Variants in UBR1 observed in about 807,000 individuals in gnomAD.
UBR1 encodes E3 ubiquitin-protein ligase UBR1.
Under a neutral mutation model 242.1 loss-of-function variants are expected in UBR1, and 102 were observed. That is an observed-to-expected ratio of 0.42 (90% CI 0.36 to 0.50). UBR1 has a LOEUF of 0.50. Ranked by LOEUF, UBR1 falls within the 20% of genes least tolerant of loss-of-function variation. UBR1 has a pLI of 0.01. For missense variants in UBR1, 1,772 were observed against 2,101.8 expected (o/e 0.84, Z 3.07); for synonymous variants, 675 against 684.8 (o/e 0.99, Z 0.22).
intron 40 of UBR1, among the ~76,000 whole-genome samples, chr15:42,966,677 CAA>C (rs201069916): frequency 3.0e-4 from 29 of 95,104 alleles, no homozygotes; most frequent in Non-Finnish European, 2.4e-4. Flanking sequence ...GACGCTGACT[CAA>C]AAAAAAAAAA....
Position 42,970,553 on chromosome 15 carries a change from GA to G in UBR1, c.4423del (p.Ser1475LeufsTer27), listed in dbSNP as rs1163528520. 1 of 1,613,774 alleles carries G rather than the reference GA, an allele frequency of 6.2e-7. No homozygotes were observed. Among genetic ancestry groups the G allele is most frequent in the African/African-American group, 1.3e-5 (1 of 75,058 alleles). On this transcript the variant is annotated frameshift_variant, in exon 40 of 47. Transcript: ENST00000290650. LOFTEE classifies it high-confidence loss of function. ...EDSEEAHSAS[S>X]FFAEISQYTS... is the part of the protein sequence containing the mutation. ...ATATTGAGAAATTTCTGCAAAGAAA[GA>G]AGATGCGGAATGAGCCTCTTCACTG... is the stretch of plus-strand genomic sequence containing the variant.
intron 19 of UBR1, among the ~76,000 whole-genome samples, chr15:43,033,361 C>T (rs1466148989): frequency 1.3e-5 from 2 of 151,160 alleles, no homozygotes; most frequent in Non-Finnish European, 3.0e-5. Flanking sequence ...AAATACAAAA[C>T]TTAGCCAGGC....
chr15:43,030,504 T>C (rs2033241116), intron 20 of UBR1, among the ~76,000 whole-genome samples: 1 of 152,202 alleles, frequency 6.6e-6, no homozygotes. Flanking sequence ...CTACTTGTTA[T>C]TTAACAAAGA....
chr15:43,035,300 T>A (rs1327258341), intron 19 of UBR1, among the ~76,000 whole-genome samples: 1 of 152,248 alleles, frequency 6.6e-6, no homozygotes, highest in East Asian at 1.9e-4. Flanking sequence ...TTTGTTAATC[T>A]ACATATTCTA....
chr15:42,958,478 G>A (rs2031959524), intron 43 of UBR1, among the ~76,000 whole-genome samples: 2 of 152,130 alleles, frequency 1.3e-5, no homozygotes, highest in Non-Finnish European at 1.5e-5. Flanking sequence ...GTAAACTAGG[G>A]ATAAAATATA....
chr15:43,004,516 T>A lies in UBR1; in HGVS notation c.3416-586A>T, dbSNP rs1371289441. Among the ~76,000 whole-genome samples the A allele has an allele frequency of 7.9e-5, 12 of 152,330 alleles. No homozygotes were observed. In the East Asian group the frequency reaches 2.3e-3, roughly 29 times the overall value. On this transcript the variant is annotated intron_variant, in intron 30 of 46. Transcript: ENST00000290650. ...GCCTCAGCCTGCAGAGTGCCTGGGA[T>A]TGCAGGCACACGCCGCCACGCCTGA...
In UBR1 at chr15:42,960,711, G is replaced by A. The variant is rs778586391; in HGVS notation, c.4701-10C>T. ...AGGATCTGCACACCACCTGTATGTG[G>A]AGCCAAGAGAAAAGACAAATGGATT... On this transcript the variant is annotated splice_polypyrimidine_tract_variant and intron_variant, in intron 42 of 46. Transcript: ENST00000290650. 3.7e-6 allele frequency: 6 copies of A among 1,613,436 alleles called. No individual in the cohort carries two copies. In the South Asian group the frequency reaches 6.6e-5, roughly 18 times the overall value.
At chr15:42,986,033 T>C (rs1886173958) in intron 35 of UBR1, among the ~76,000 whole-genome samples, 1 of 151,042 alleles carries the variant, frequency 6.6e-6, no homozygotes. Context: ...AAGAGAAAAT[T>C]AAAATACCAA....
intron 12 of UBR1, among the ~76,000 whole-genome samples, chr15:43,052,767 T>G (rs905824724): frequency 2.0e-5 from 3 of 152,240 alleles, no homozygotes; most frequent in African/African-American, 7.2e-5. Context: ...AATTATTTGC[T>G]AAATAAAGAG....
chr15:43,011,938 C>A (rs1472988276), intron 29 of UBR1: 3 of 453,028 alleles, frequency 6.6e-6, no homozygotes, highest in South Asian at 1.6e-5. Flanking sequence ...GTAGAATCTA[C>A]ATTATAGGCC....
intron 33 of UBR1, among the ~76,000 whole-genome samples, chr15:42,997,362 A>G (rs2032656173): frequency 6.6e-6 from 1 of 152,212 alleles, no homozygotes; most frequent in Non-Finnish European, 1.5e-5. Flanking sequence ...TATATATTAC[A>G]ATGTAATAAT....
In UBR1 at chr15:43,070,248, TAAAAAAAAAAAAAA is replaced by T. The variant is rs746635905; in HGVS notation, c.659+533_659+546del. 2.8e-4 allele frequency among the ~76,000 whole-genome samples: 7 copies of T among 25,264 alleles called. 1 individual carries two copies. The highest frequency in any genetic ancestry group is 3.0e-4 in the African/African-American group (2 of 6,766). 16.6% of individuals were successfully genotyped at this position (25,264 alleles called of 152,430 possible). ...CTACCAGAAATTGCTGAGTTCTAGC[TAAAAAAAAAAAAAA>T]AAAAAAAAAAAAGCTACATCCCTAT... On this transcript the variant is annotated intron_variant, in intron 5 of 46. Coordinates refer to ENST00000290650, the MANE Select transcript of UBR1 (RefSeq NM_174916.3).
Position 43,007,298 on chromosome 15 carries a change from T to C in UBR1, c.3210-14A>G. Reference sequence around the variant, plus strand: ...ACTGCTGGGGTGCTACCAAAAGAAATGATCAGAAATGAGGACACATGTTTT... The same window carrying C: ...ACTGCTGGGGTGCTACCAAAAGAAACGATCAGAAATGAGGACACATGTTTT... On this transcript the variant is annotated splice_polypyrimidine_tract_variant and intron_variant, in intron 29 of 46. Transcript: ENST00000290650. 2.5e-6 allele frequency: 4 copies of C among 1,613,362 alleles called. No homozygotes were observed. Among genetic ancestry groups the C allele is most frequent in the Non-Finnish European group, 3.4e-6 (4 of 1,179,554 alleles).
intron 15 of UBR1, 103 bp from the exon 16 acceptor site, chr15:43,038,335 G>C: frequency 8.6e-7 from 1 of 1,156,550 alleles, no homozygotes; most frequent in Non-Finnish European, 1.3e-6. Context: ...TTGGCTGGGC[G>C]CGGTGGCTCA....
chr15:43,097,368 T>C (rs1272214958), intron 1 of UBR1, among the ~76,000 whole-genome samples: 2 of 152,214 alleles, frequency 1.3e-5, no homozygotes, highest in African/African-American at 4.8e-5. Flanking sequence ...TTAAGTATTC[T>C]TGGATTTTCT....
intron 19 of UBR1, among the ~76,000 whole-genome samples, chr15:43,035,815 G>A (rs2033326090): frequency 1.3e-5 from 2 of 151,498 alleles, no homozygotes; most frequent in African/African-American, 2.4e-5. Context: ...TAAGGTGTAA[G>A]GAAGGGATCC....
intron 14 of UBR1, among the ~76,000 whole-genome samples, chr15:43,045,978 A>T (rs1316204201): frequency 6.6e-6 from 1 of 152,140 alleles, no homozygotes; most frequent in African/African-American, 2.4e-5. Flanking sequence ...CTAAGGAAAG[A>T]CCTCTGAATT....
At chr15:42,979,992 G>A (rs975879980) in intron 37 of UBR1, among the ~76,000 whole-genome samples, 2 of 152,230 alleles carry the variant, frequency 1.3e-5, no homozygotes, top group African/African-American at 4.8e-5. Flanking sequence ...ACTTCAACAA[G>A]TCATTTGCTG....
chr15:43,076,024 A>C (rs2141350874), intron 3 of UBR1, among the ~76,000 whole-genome samples: 1 of 151,476 alleles, frequency 6.6e-6, no homozygotes, highest in Non-Finnish European at 1.5e-5. Flanking sequence ...TCTGATGCCG[A>C]GCCAAAGCTG....
Sources: allele counts gnomAD v4.1 joint callset (sites outside exome capture counted in the v4.1 genomes callset), GRCh38; gene constraint gnomAD v4.1.1; transcripts MANE v1.5; gene names NCBI Gene and HGNC (gene_info 2026-07-23, HGNC 2026-07-21).